Variants in PPP4R3A observed in about 807,000 individuals in gnomAD.
PPP4R3A encodes protein phosphatase 4 regulatory subunit 3A, also known as serine/threonine-protein phosphatase 4 regulatory subunit 3A.
In PPP4R3A, 15 loss-of-function variants were observed where a neutral mutation model predicts 91.7. The ratio of observed to expected loss-of-function variants is 0.16; its 90% CI spans 0.11 to 0.25. The LOEUF (loss-of-function observed/expected upper bound fraction) is 0.25, where lower values mean the gene tolerates loss of function less well. Ranked by LOEUF, PPP4R3A falls within the 10% of genes least tolerant of loss-of-function variation. The pLI, the probability that PPP4R3A is intolerant of heterozygous loss-of-function variation, is 1.00. For synonymous variants in PPP4R3A, 377 were observed against 348.7 expected (o/e 1.08, Z -0.91); for missense variants, 623 against 998.4 (o/e 0.62, Z 5.07).
Position 91,475,806 on chromosome 14 carries a change from T to C in PPP4R3A, c.1266+5A>G. 1 of 1,611,088 alleles carries C rather than the reference T, an allele frequency of 6.2e-7. No individual in the cohort carries two copies. Among genetic ancestry groups the C allele is most frequent in the Non-Finnish European group, 8.5e-7 (1 of 1,177,980 alleles). ...ATACTTACTATTAGTACAAATAATATTTACCTTGCTGGTTATTTTTTGCTC... is the reference window on the plus strand; with the variant it reads ...ATACTTACTATTAGTACAAATAATACTTACCTTGCTGGTTATTTTTTGCTC... On this transcript the variant is annotated splice_donor_5th_base_variant and intron_variant, in intron 7 of 14. Transcript: ENST00000554943.
rs1380336041 is a variant in PPP4R3A, at chr14:91,509,684, T to C, written c.-37A>G. ...GGAACCGGGGCGGGGGCCCCGCCAG[T>C]AGACGCCCAGGAAAGGGGCCCTGGA... On this transcript the variant is annotated 5_prime_UTR_variant, in exon 1 of 15. Coordinates refer to ENST00000554943, the MANE Select transcript of PPP4R3A (RefSeq NM_001366432.2). 5 of 1,582,698 alleles carry C rather than the reference T, an allele frequency of 3.2e-6. No homozygotes were observed. Among genetic ancestry groups the C allele is most frequent in the African/African-American group, 1.4e-5 (1 of 74,024 alleles).
intron 10 of PPP4R3A, among the ~76,000 whole-genome samples, chr14:91,468,721 T>A (rs974978795): frequency 4.0e-5 from 5 of 126,306 alleles, no homozygotes; most frequent in African/African-American, 1.5e-4. Flanking sequence ...AAGTATACTT[T>A]GTCCACATGC....
At chr14:91,506,430 A>G (rs1206058604) in intron 1 of PPP4R3A, among the ~76,000 whole-genome samples, 2 of 152,230 alleles carry the variant, frequency 1.3e-5, no homozygotes, top group Non-Finnish European at 2.9e-5. Context: ...TTTGGCACAT[A>G]GTAGGTAGTC....
rs201529217 is a variant in PPP4R3A at position 91,507,479 on chromosome 14, AGT to A, written c.142+2025_142+2026del. 2.4e-3 allele frequency among the ~76,000 whole-genome samples: 317 copies of A among 129,414 alleles called. 43 individuals are homozygous for A. The South Asian group carries it at 0.032, about 13-fold the overall frequency. The allele number at this position is 129,414 out of a possible 152,430, so 84.9% of individuals were successfully genotyped here. A position where few individuals can be genotyped will look rare whatever the true frequency, so the allele number is the denominator to read the frequency against. The stretch of plus-strand genomic sequence containing the variant: ...TATATACTATAATTATATATACTAT[AGT>A]TATATATACTATATAGAATATATGC... On this transcript the variant is annotated intron_variant, in intron 1 of 14. Transcript: ENST00000554943.
Position 91,496,716 on chromosome 14 carries a change from G to T in PPP4R3A, c.143-5914C>A, listed in dbSNP as rs1890594924. 2.0e-5 allele frequency among the ~76,000 whole-genome samples: 3 copies of T among 152,140 alleles called. 1 individual carries two copies. The highest frequency in any genetic ancestry group is 4.1e-4 in the South Asian group (2 of 4,838). On this transcript the variant is annotated intron_variant, in intron 1 of 14. Transcript: ENST00000554943. ...CAGCCATATCACAGTTTTGGTCTAG[G>T]AAGTCCAGCTCTCATCCCCAATACC...
At position 91,481,828 on chromosome 14, in the gene PPP4R3A, A is replaced by G; in HGVS notation, c.663T>C (p.Ile221=). Residue 221 remains isoleucine (I), a synonymous_variant, in exon 4 of 15, where the codon ATT becomes ATC. Transcript: ENST00000554943. ...AAGCAGGATCATATTCTAAACATCC[A>G]ATGACGTCCATTATACATTCTTCAG... The part of the protein sequence containing the change: ...MFSEECIMDV[I]GCLEYDPALS... 2 of 1,614,122 alleles carry G rather than the reference A, an allele frequency of 1.2e-6. No homozygotes were observed. Among genetic ancestry groups the G allele is most frequent in the South Asian group, 1.1e-5 (1 of 91,074 alleles).
intron 6 of PPP4R3A, 118 bp downstream of exon 6, chr14:91,476,290 A>G: frequency 1.2e-6 from 1 of 833,478 alleles, no homozygotes; most frequent in Non-Finnish European, 1.9e-6. Flanking sequence ...CTTTAACTTA[A>G]TGAACTACGC....
At chr14:91,472,336 C>T (rs760527419) in intron 9 of PPP4R3A, among the ~76,000 whole-genome samples, 1 of 152,104 alleles carries the variant, frequency 6.6e-6, no homozygotes, top group Non-Finnish European at 1.5e-5. Flanking sequence ...TTCATAGCTA[C>T]TGCCTTCTAT....
Position 91,461,471 on chromosome 14 carries a change from A to C in PPP4R3A, c.2301T>G (p.Gly767=). ...TSQSSTTNLP[G]SPGSPGSPGS... ...CTGGGGATCCAGGTGATCCCGGAGAACCAGGCAGATTTGTTGTAGATGACT... is the reference window on the plus strand; with the variant it reads ...CTGGGGATCCAGGTGATCCCGGAGACCCAGGCAGATTTGTTGTAGATGACT... The change falls in exon 14 of 15, where the codon GGT becomes GGG. Residue 767 remains glycine (G), a synonymous_variant. Coordinates refer to ENST00000554943, the MANE Select transcript of PPP4R3A (RefSeq NM_001366432.2). The C allele has an allele frequency of 6.2e-7, 1 of 1,614,166 alleles. No homozygotes were observed. Among genetic ancestry groups the C allele is most frequent in the Non-Finnish European group, 8.5e-7 (1 of 1,180,040 alleles).
intron 1 of PPP4R3A, among the ~76,000 whole-genome samples, chr14:91,501,088 A>C (rs1890916439): frequency 6.6e-6 from 1 of 152,190 alleles, no homozygotes; most frequent in Non-Finnish European, 1.5e-5. Context: ...GCTTTTATTC[A>C]TCTGGAAAAT....
chr14:91,496,784 G>A (rs1220257221), intron 1 of PPP4R3A, among the ~76,000 whole-genome samples: 6 of 152,186 alleles, frequency 3.9e-5, no homozygotes, highest in East Asian at 3.9e-4. Context: ...CTAGAACACC[G>A]GAAAGTCTTT....
rs550834439 is a variant in PPP4R3A at position 91,491,324 on chromosome 14, A to G, written c.143-522T>C. ...ATCCTCCCACTGCCCCCTCCTCCCA[A>G]AGTGCTGGGATTGCAGGTGCAAGCC... On this transcript the variant is annotated intron_variant, in intron 1 of 14. Transcript: ENST00000554943. Among the ~76,000 whole-genome samples, 345 of 152,044 alleles carry G rather than the reference A, an allele frequency of 2.3e-3. 1 individual carries two copies. Among genetic ancestry groups the G allele is most frequent in the African/African-American group, 8.0e-3 (334 of 41,502 alleles).
Position 91,476,951 on chromosome 14 carries a change from T to C in PPP4R3A, c.951A>G (p.Gln317=). The C allele has an allele frequency of 3.1e-6, 5 of 1,603,428 alleles. No homozygotes were observed. The highest frequency in any genetic ancestry group is 1.7e-4 in the Middle Eastern group (1 of 6,014). Reference sequence around the variant, plus strand: ...CCTCATCTGTTGCTTCATCTGTTAGTTGTGCAAACAAATCTGTCAGAAATT... The same window carrying C: ...CCTCATCTGTTGCTTCATCTGTTAGCTGTGCAAACAAATCTGTCAGAAATT... ...DEKFLTDLFA[Q]LTDEATDEEK... Residue 317 remains glutamine (Q), a synonymous_variant, in exon 5 of 15, where the codon CAA becomes CAG. Transcript: ENST00000554943.
At chr14:91,490,507 T>C (rs550982619) in intron 2 of PPP4R3A, among the ~76,000 whole-genome samples, 150 of 152,138 alleles carry the variant, frequency 9.9e-4, no homozygotes, top group Non-Finnish European at 1.6e-3. Context: ...AACAAGGAAA[T>C]TTTAGGGCTC....
rs1891694505 is a variant in PPP4R3A at position 91,510,024 on chromosome 14, C to CG, written c.-378dup. 8 of 895,456 alleles carry CG rather than the reference C, an allele frequency of 8.9e-6. No homozygotes were observed. Among genetic ancestry groups the CG allele is most frequent in the Non-Finnish European group, 1.1e-5 (8 of 744,900 alleles). The allele number at this position is 895,456 out of a possible 1,614,324, so 55.5% of individuals were successfully genotyped here. On this transcript the variant is annotated 5_prime_UTR_variant, in exon 1 of 15. Transcript: ENST00000554943. ...TCCGCGAAGCAGCTTCCCGCGCCGC[C>CG]GCCGCCTCCTCAGGCCGCCGCCGCC... is the stretch of plus-strand genomic sequence containing the variant.
Position 91,461,519 on chromosome 14 carries a change from T to C in PPP4R3A, c.2253A>G (p.Gly751=). 6.2e-7 allele frequency: 1 copy of C among 1,614,184 alleles called. No individual in the cohort carries two copies. Among genetic ancestry groups the C allele is most frequent in the Non-Finnish European group, 8.5e-7 (1 of 1,180,026 alleles). ...SPSFKLSLSS[G]TKTNLTSQSS... is the part of the protein sequence containing the mutation. Reference sequence around the variant, plus strand: ...ACTGGCTGGTGAGGTTAGTCTTCGTTCCACTGGACAGGGAAAGCTTGAAAC... The same window carrying C: ...ACTGGCTGGTGAGGTTAGTCTTCGTCCCACTGGACAGGGAAAGCTTGAAAC... Residue 751 remains glycine (G), a synonymous_variant, in exon 14 of 15, where the codon GGA becomes GGG. Coordinates refer to ENST00000554943, the MANE Select transcript of PPP4R3A (RefSeq NM_001366432.2).
intron 10 of PPP4R3A, among the ~76,000 whole-genome samples, chr14:91,466,981 T>C (rs1567146978): frequency 1.1e-5 from 1 of 92,950 alleles, no homozygotes; most frequent in Non-Finnish European, 2.4e-5. Flanking sequence ...TGTCTGACTA[T>C]AGTTCCTAGG....
chr14:91,469,381 T>C (rs1255919568), intron 10 of PPP4R3A, among the ~76,000 whole-genome samples: 3 of 152,194 alleles, frequency 2.0e-5, no homozygotes, highest in African/African-American at 4.8e-5. Flanking sequence ...TTTTCCACAC[T>C]TGAACAAAAC....
intron 10 of PPP4R3A, 150 bp from the exon 11 acceptor site, chr14:91,465,569 A>G (rs1280776743): frequency 3.4e-6 from 2 of 588,954 alleles, no homozygotes; most frequent in South Asian, 5.1e-5. Context: ...CTGTGAACCT[A>G]AAGATAAGGA....
Sources: gnomAD v4.1 joint callset for allele counts (sites outside exome capture counted in the v4.1 genomes callset) on GRCh38, gnomAD v4.1.1 for gene constraint, MANE v1.5 for transcripts, NCBI Gene and HGNC (gene_info 2026-07-23, HGNC 2026-07-21) for gene names.